STK32A: variants seen among roughly 807,000 people sequenced by gnomAD.
STK32A encodes serine/threonine kinase 32A.
STK32A carries 41 observed loss-of-function variants against 53.2 expected under a neutral mutation model. The observed-to-expected ratio is 0.77, with a 90% CI of 0.60 to 1.00. STK32A has a LOEUF of 1.00. STK32A is among the 50% of genes least tolerant of loss of function. The probability of loss-of-function intolerance (pLI) is 0.00; values close to 1 mark genes in which losing one functional copy is unlikely to be tolerated. For synonymous variants in STK32A, 166 were observed against 162.8 expected, an observed-to-expected ratio of 1.02 and a Z score of -0.15; for missense variants, 458 against 485.8, an observed-to-expected ratio of 0.94 and a Z score of 0.54.
intron 8 of STK32A, among the ~76,000 whole-genome samples, chr5:147,370,234 A>G (rs1756948692): frequency 6.6e-6 from 1 of 152,134 alleles, no homozygotes; most frequent in African/African-American, 2.4e-5. Context: ...GTATGGTAAA[A>G]TTCTGGATTT....
downstream of STK32A, among the ~76,000 whole-genome samples, chr5:147,389,933 G>A (rs1028798656): frequency 5.3e-5 from 8 of 152,194 alleles, no homozygotes; most frequent in Admixed American, 1.3e-4. Flanking sequence ...ACACAGGGCC[G>A]AAGTGGAAAG....
intron 2 of STK32A, among the ~76,000 whole-genome samples, chr5:147,275,108 T>C (rs1198376687): frequency 1.3e-5 from 2 of 152,186 alleles, no homozygotes; most frequent in African/African-American, 4.8e-5. Flanking sequence ...CTATTCCACA[T>C]TCCCCTTAGG....
chr5:147,331,298 G>A (rs917492124), intron 5 of STK32A, among the ~76,000 whole-genome samples: 2 of 152,158 alleles, frequency 1.3e-5, no homozygotes, highest in African/African-American at 4.8e-5. Flanking sequence ...TGCGTACTGT[G>A]CTAATTGGCA....
chr5:147,242,091 T>C (rs1753608146), intron 2 of STK32A, among the ~76,000 whole-genome samples: 1 of 152,194 alleles, frequency 6.6e-6, no homozygotes, highest in Non-Finnish European at 1.5e-5. Context: ...AGAGTTAGGC[T>C]TAGGGACCAG....
At chr5:147,398,045 A>C in the STK32A span, among the ~76,000 whole-genome samples, 69,500 of 151,910 alleles carry the variant, frequency 0.46, 16,617 homozygotes, top group African/African-American at 0.57. Flanking sequence ...TCCTAGCAAA[A>C]AGAAGTGTCC....
Position 147,264,147 on chromosome 5 carries a change from A to G in STK32A, c.53-13977A>G, listed in dbSNP as rs189820045. Among the ~76,000 whole-genome samples, 13 of 152,322 alleles carry G rather than the reference A, an allele frequency of 8.5e-5. No individual in the cohort carries two copies. In the East Asian group the frequency reaches 2.5e-3, roughly 29 times the overall value. On this transcript the variant is annotated intron_variant, in intron 2 of 12. Transcript: ENST00000397936. ...TCATGGATATATAATATTTCAAAAAATATATCTCCCATGCAATCCTTCTTA... is the reference window on the plus strand; with the variant it reads ...TCATGGATATATAATATTTCAAAAAGTATATCTCCCATGCAATCCTTCTTA...
At chr5:147,292,013 T>A (rs1752622438) in intron 4 of STK32A, among the ~76,000 whole-genome samples, 1 of 152,198 alleles carries the variant, frequency 6.6e-6, no homozygotes, top group Non-Finnish European at 1.5e-5. Context: ...AGCCAATAAT[T>A]CACCATCAAA....
chr5:147,348,595 G>A (rs1314772543), intron 6 of STK32A: 2 of 712,358 alleles, frequency 2.8e-6, no homozygotes, highest in Non-Finnish European at 2.6e-6. Flanking sequence ...ACATAATCTT[G>A]TAGCTGAGTC....
At chr5:147,238,286 C>A (rs1452302884) in intron 1 of STK32A, among the ~76,000 whole-genome samples, 2 of 152,200 alleles carry the variant, frequency 1.3e-5, no homozygotes, top group African/African-American at 4.8e-5. Context: ...CCATTGCCAC[C>A]ATTGTCTGCC....
chr5:147,281,326 G>C (rs1031890772), intron 4 of STK32A, among the ~76,000 whole-genome samples: 2 of 152,138 alleles, frequency 1.3e-5, no homozygotes, highest in Non-Finnish European at 2.9e-5. Flanking sequence ...CCAGAGAAAG[G>C]TGAAGCTCAG....
At chr5:147,364,539 T>A (rs1225259165) in intron 8 of STK32A, among the ~76,000 whole-genome samples, 1 of 152,182 alleles carries the variant, frequency 6.6e-6, no homozygotes, top group South Asian at 2.1e-4. Flanking sequence ...GTCTGCAATA[T>A]CTGCCTTCAC....
chr5:147,236,385 T>C (rs909997002), intron 1 of STK32A, among the ~76,000 whole-genome samples: 1 of 152,180 alleles, frequency 6.6e-6, no homozygotes, highest in African/African-American at 2.4e-5. Flanking sequence ...GATGCTTAGG[T>C]AACACTGCAG....
chr5:147,258,692 T>C (rs1384020758), intron 2 of STK32A, among the ~76,000 whole-genome samples: 1 of 152,130 alleles, frequency 6.6e-6, no homozygotes, highest in Non-Finnish European at 1.5e-5. Context: ...TCTCCTTTTT[T>C]TTTTTTAAGA....
intron 11 of STK32A, among the ~76,000 whole-genome samples, chr5:147,378,356 T>C (rs1389895345): frequency 1.3e-5 from 2 of 152,104 alleles, no homozygotes; most frequent in Non-Finnish European, 2.9e-5. Context: ...CACAGGCAGA[T>C]CTTAATGTTA....
In STK32A at chr5:147,384,228, T is replaced by G; in HGVS notation, c.*245T>G. 1 of 1,361,438 alleles carries G rather than the reference T, an allele frequency of 7.3e-7. No individual in the cohort carries two copies. The highest frequency in any genetic ancestry group is 9.5e-7 in the Non-Finnish European group (1 of 1,049,918). The allele number at this position is 1,361,438 out of a possible 1,614,324, so 84.3% of individuals were successfully genotyped here. A position where few individuals can be genotyped will look rare whatever the true frequency, so the allele number is the denominator to read the frequency against. ...ACTTAGCCACTTTCTGTGCTTTACT[T>G]TATTTATCTAAAATGAGAGGGTTAT... On this transcript the variant is annotated 3_prime_UTR_variant, in exon 13 of 13. Transcript: ENST00000397936.
intron 4 of STK32A, among the ~76,000 whole-genome samples, chr5:147,282,990 C>T (rs1278509093): frequency 6.6e-6 from 1 of 152,132 alleles, no homozygotes; most frequent in Non-Finnish European, 1.5e-5. Context: ...CTGCAGAATA[C>T]ACATTCTATT....
chr5:147,379,528 T>C (rs1235911430), intron 11 of STK32A, among the ~76,000 whole-genome samples: 2 of 152,098 alleles, frequency 1.3e-5, no homozygotes, highest in African/African-American at 2.4e-5. Context: ...TGCTTTACTT[T>C]CCATTGCACT....
intron 2 of STK32A, 91 bp from the exon 3 acceptor site, chr5:147,278,033 G>C (rs1751849087): frequency 9.0e-7 from 1 of 1,108,644 alleles, no homozygotes; most frequent in Non-Finnish European, 1.3e-6. Flanking sequence ...TTTTAGACAA[G>C]ATACTTCAGT....
chr5:147,318,515 A>C (rs1199568822), intron 4 of STK32A, among the ~76,000 whole-genome samples: 1 of 151,992 alleles, frequency 6.6e-6, no homozygotes, highest in African/African-American at 2.4e-5. Flanking sequence ...CTGTAATTTC[A>C]ACACTTTGAG....
Sources: allele counts gnomAD v4.1 joint callset (sites outside exome capture counted in the v4.1 genomes callset), GRCh38; gene constraint gnomAD v4.1.1; transcripts MANE v1.5; gene names NCBI Gene and HGNC (gene_info 2026-07-23, HGNC 2026-07-21).